LIMS2: variants seen among roughly 807,000 people sequenced by gnomAD.
LIMS2 encodes LIM zinc finger domain containing 2.
LIMS2 carries 30 observed loss-of-function variants against 45.3 expected under a neutral mutation model. The observed-to-expected ratio is 0.66, with a 90% CI of 0.50 to 0.90. LIMS2 has a LOEUF of 0.90. LIMS2 is among the 40% of genes least tolerant of loss of function. The pLI, the probability that LIMS2 is intolerant of heterozygous loss-of-function variation, is 0.00. For missense variants in LIMS2, 485 were observed against 468.7 expected (o/e 1.03, Z -0.32); for synonymous variants, 173 against 188.0 (o/e 0.92, Z 0.65).
intron 6 of LIMS2, chr2:127,641,371 G>A (rs758381215): frequency 7.9e-5 from 17 of 216,080 alleles, no homozygotes; most frequent in East Asian, 2.3e-4. Flanking sequence ...AGGCAGAGGC[G>A]GCCCTGCCTG....
chr2:127,642,603 G>A lies in LIMS2; in HGVS notation c.509+320C>T. 1 of 401,564 alleles carries A rather than the reference G, an allele frequency of 2.5e-6. No homozygotes were observed. The highest frequency in any genetic ancestry group is 4.5e-5 in the East Asian group (1 of 22,362). 24.9% of individuals were successfully genotyped at this position (401,564 alleles called of 1,614,324 possible). A position where few individuals can be genotyped will look rare whatever the true frequency, so the allele number is the denominator to read the frequency against. ...AACACCAGCACCAAGCCCACTCCCG[G>A]TCTCTTGCCCTGCCCCCTCAGGTCC... On this transcript the variant is annotated intron_variant, in intron 5 of 9. Transcript: ENST00000355119. The surrounding 1 kb of genome is among the most constrained non-coding windows in gnomAD (Gnocchi z 5.3).
chr2:127,680,886 A>ACAT (rs1458570285), intron 1 of LIMS2, among the ~76,000 whole-genome samples: 1 of 152,150 alleles, frequency 6.6e-6, no homozygotes, highest in African/African-American at 2.4e-5. Context: ...ACACCTCAAC[A>ACAT]CATCATGCCG....
chr2:127,643,090 A>G lies in LIMS2; in HGVS notation c.360-18T>C. On this transcript the variant is annotated intron_variant, in intron 4 of 9. Transcript: ENST00000355119. ...AGAGATGCCTGCGGGAGGCGGGGGC[A>G]TTAGGGGCAGAGCCCCCACTCCCAC... The G allele has an allele frequency of 6.4e-7, 1 of 1,556,352 alleles. No individual in the cohort carries two copies. The highest frequency in any genetic ancestry group is 1.4e-5 in the African/African-American group (1 of 73,830).
In LIMS2 at chr2:127,640,368, C is replaced by G. The variant is rs201883748; in HGVS notation, c.754-50G>C. 2.5e-6 allele frequency: 4 copies of G among 1,591,752 alleles called. No homozygotes were observed. The East Asian group carries it at 6.8e-5, about 27-fold the overall frequency. On this transcript the variant is annotated intron_variant, in intron 7 of 9. Coordinates refer to ENST00000355119, the MANE Select transcript of LIMS2 (RefSeq NM_001161403.3). ...GTAGCTGCAGGCAGTCACACCCCAG[C>G]CCAGGGCCATCATGCAGCCAGCCTG...
At chr2:127,674,925 C>T (rs1573854950) in intron 1 of LIMS2, 89 bp downstream of exon 1, 16 of 1,222,380 alleles carry the variant, frequency 1.3e-5, no homozygotes, top group Non-Finnish European at 1.6e-5. Context: ...ATCGTGGCGC[C>T]GCGGGGCTGT....
chr2:127,657,373 G>A, intron 2 of LIMS2, 30 bp downstream of exon 2: 1 of 1,613,244 alleles, frequency 6.2e-7, no homozygotes, highest in East Asian at 2.2e-5. Context: ...TCCGAGCTGG[G>A]TCTGAGAAAG....
Position 127,673,732 on chromosome 2 carries a change from C to G in LIMS2, c.11+1282G>C, listed in dbSNP as rs1419776330. On this transcript the variant is annotated intron_variant, in intron 1 of 9. Transcript: ENST00000355119. ...TCCGGACCCTGTTCCTGTCTCTCCCCACTTTCTTTTCCTAGAAAACAGGAG... is the reference window on the plus strand; with the variant it reads ...TCCGGACCCTGTTCCTGTCTCTCCCGACTTTCTTTTCCTAGAAAACAGGAG... The G allele has an allele frequency of 8.4e-6, 13 of 1,551,404 alleles. No individual in the cohort carries two copies. The highest frequency in any genetic ancestry group is 5.9e-5 in the Admixed American group (3 of 50,988).
At chr2:127,650,728 G>A in intron 4 of LIMS2, 2 of 1,605,476 alleles carry the variant, frequency 1.2e-6, no homozygotes, top group Non-Finnish European at 1.7e-6. Context: ...TCTGACTCCA[G>A]CCAAAGCATG....
chr2:127,674,817 G>A (rs1260645742), intron 1 of LIMS2, 197 bp downstream of exon 1: 2 of 985,258 alleles, frequency 2.0e-6, no homozygotes, highest in African/African-American at 1.7e-5. Context: ...GCAGGCGCTC[G>A]CCCAGAGGAA....
chr2:127,678,690 G>A (rs1476216667), upstream of LIMS2, among the ~76,000 whole-genome samples: 1 of 152,216 alleles, frequency 6.6e-6, no homozygotes, highest in Non-Finnish European at 1.5e-5. The surrounding 1 kb of genome is among the most constrained non-coding windows in gnomAD (Gnocchi z 5.3). Context: ...AGGTGTGTGT[G>A]TGGCAGGTGT....
chr2:127,650,903 CATCCGAGACCACAA>C, intron 4 of LIMS2: 1 of 1,614,108 alleles, frequency 6.2e-7, no homozygotes. Flanking sequence ...TGTGGCTTTT[CATCCGAGACCACAA>C]GTCCGGGACC....
intron 1 of LIMS2, among the ~76,000 whole-genome samples, chr2:127,660,609 C>A (rs1340728473): frequency 6.6e-6 from 1 of 152,184 alleles, no homozygotes; most frequent in African/African-American, 2.4e-5. Context: ...GAAGAAACTC[C>A]GGACATATCT....
intron 1 of LIMS2, among the ~76,000 whole-genome samples, chr2:127,662,560 G>A (rs1409516202): frequency 3.4e-5 from 5 of 147,552 alleles, no homozygotes; most frequent in African/African-American, 1.3e-4. Flanking sequence ...GTTCTCACTC[G>A]TAGGTGGGAA....
rs1390430510 is a variant in LIMS2, at chr2:127,647,036, C to T, written c.360-3964G>A. The stretch of plus-strand genomic sequence containing the variant: ...TTCGGCCCGGGCAGGAAGTGGAGGG[C>T]AGTGCCCAGGCTGAGGCCCCCGGGC... On this transcript the variant is annotated intron_variant, in intron 4 of 9. Transcript: ENST00000355119. The surrounding 1 kb of genome is among the most constrained non-coding windows in gnomAD (Gnocchi z 4.3). Among the ~76,000 whole-genome samples the T allele has an allele frequency of 1.3e-5, 2 of 152,072 alleles. No individual in the cohort carries two copies. The highest frequency in any genetic ancestry group is 2.9e-5 in the Non-Finnish European group (2 of 67,996).
intron 4 of LIMS2, chr2:127,651,993 C>A: frequency 3.5e-6 from 2 of 565,686 alleles, no homozygotes. Flanking sequence ...AGACACTCAA[C>A]GACTTCATCT....
At chr2:127,680,294 G>A (rs186553593), upstream of LIMS2, among the ~76,000 whole-genome samples, 859 of 152,298 alleles carry the variant, frequency 5.6e-3, 8 homozygotes, top group South Asian at 0.04. Flanking sequence ...TTAAAACTAG[G>A]AGCATAAAAC....
chr2:127,639,521 C>T, intron 9 of LIMS2, 93 bp from the exon 10 acceptor site: 1 of 1,471,902 alleles, frequency 6.8e-7, no homozygotes, highest in Non-Finnish European at 9.3e-7. Context: ...CAGCCCCCAG[C>T]CTCCCCACAC....
chr2:127,661,669 G>A (rs1684670703), intron 1 of LIMS2, among the ~76,000 whole-genome samples: 1 of 152,198 alleles, frequency 6.6e-6, no homozygotes. Flanking sequence ...ACCATCTCAT[G>A]CCCTTCCTCA....
chr2:127,676,407 C>CTTTTTTT (rs10677718), upstream of LIMS2, among the ~76,000 whole-genome samples: 4 of 115,862 alleles, frequency 3.5e-5, no homozygotes, highest in African/African-American at 3.6e-5. Flanking sequence ...GCAGTTGTTA[C>CTTTTTTT]TTTTTTTTTT....
Sources: gnomAD v4.1 joint callset for allele counts (sites outside exome capture counted in the v4.1 genomes callset) on GRCh38, gnomAD v4.1.1 for gene constraint, Gnocchi (gnomAD v3.1) non-coding constraint, MANE v1.5 for transcripts, NCBI Gene and HGNC (gene_info 2026-07-23, HGNC 2026-07-21) for gene names.